Variants in GRM1 observed in about 807,000 individuals in gnomAD.
GRM1 encodes glutamate metabotropic receptor 1.
In GRM1, 33 loss-of-function variants were observed where a neutral mutation model predicts 90.9. The observed-to-expected ratio is 0.36, with a 90% CI of 0.28 to 0.49. GRM1 has a LOEUF of 0.49. GRM1 is among the 20% of genes least tolerant of loss of function. The probability of loss-of-function intolerance (pLI) is 0.99; values close to 1 mark genes in which losing one functional copy is unlikely to be tolerated. For synonymous variants in GRM1, 700 were observed against 613.2 expected (o/e 1.14, Z -2.09); for missense variants, 1,190 against 1,534.3 (o/e 0.78, Z 3.75).
In GRM1 at chr6:146,352,393, C is replaced by T. The variant is rs1488009652; in HGVS notation, c.1330C>T (p.Pro444Ser). 3 of 1,614,072 alleles carry T rather than the reference C, an allele frequency of 1.9e-6. No individual in the cohort carries two copies. The highest frequency in any genetic ancestry group is 1.7e-6 in the Non-Finnish European group (2 of 1,179,908). Residue 444 changes from proline to serine, a missense_variant, in exon 4 of 8, where the codon CCC becomes TCC. Pro to Ser is a moderately conservative substitution (Grantham distance 74). Coordinates refer to ENST00000282753, the MANE Select transcript of GRM1 (RefSeq NM_001278064.2). Reference protein sequence around the residue: ...GHVGLCDAMKPIDGSKLLDFL... With the variant: ...GHVGLCDAMKSIDGSKLLDFL... The stretch of plus-strand genomic sequence containing the variant: ...CGTGGGCCTCTGCGATGCCATGAAG[C>T]CCATCGACGGCAGCAAGCTGCTGGA...
intron 6 of GRM1, 102 bp from the exon 7 acceptor site, chr6:146,398,667 A>G (rs1777052474): frequency 3.6e-6 from 3 of 840,362 alleles, no homozygotes; most frequent in East Asian, 2.4e-5. Flanking sequence ...GCTGTAAATC[A>G]TGAAGGATGC....
intron 2 of GRM1, among the ~76,000 whole-genome samples, chr6:146,178,205 A>G (rs1778405571): frequency 6.6e-6 from 1 of 152,128 alleles, no homozygotes; most frequent in Non-Finnish European, 1.5e-5. Context: ...CCTTGCTTTG[A>G]TGACCTCAAT....
chr6:146,396,582 G>A (rs1039594914), intron 6 of GRM1, among the ~76,000 whole-genome samples: 1 of 151,870 alleles, frequency 6.6e-6, no homozygotes, highest in African/African-American at 2.4e-5. Flanking sequence ...AACAGAAAAA[G>A]GTGATTCAAA....
intron 7 of GRM1, among the ~76,000 whole-genome samples, chr6:146,402,584 A>G (rs74654567): frequency 1.3e-5 from 2 of 152,110 alleles, no homozygotes; most frequent in African/African-American, 4.8e-5. Flanking sequence ...GCTATTCTAG[A>G]TGTGTAATTC....
At chr6:146,292,797 CA>C (rs1435452007) in intron 2 of GRM1, among the ~76,000 whole-genome samples, 1 of 151,502 alleles carries the variant, frequency 6.6e-6, no homozygotes, top group Non-Finnish European at 1.5e-5. Flanking sequence ...AACAGATAGT[CA>C]AAAAAATGCA....
At chr6:146,060,959 G>T (rs186324683) in intron 1 of GRM1, among the ~76,000 whole-genome samples, 1 of 152,170 alleles carries the variant, frequency 6.6e-6, no homozygotes, top group African/African-American at 2.4e-5. Flanking sequence ...ATGTGAGATG[G>T]TATCTCATTG....
At chr6:146,378,397 CACAGG>C (rs1419751614) in intron 5 of GRM1, among the ~76,000 whole-genome samples, 2 of 152,182 alleles carry the variant, frequency 1.3e-5, no homozygotes, top group Non-Finnish European at 2.9e-5. Context: ...CTGATAAAGC[CACAGG>C]GGTGGAGCTG....
intron 7 of GRM1, among the ~76,000 whole-genome samples, chr6:146,406,314 C>A (rs1214134922): frequency 2.0e-5 from 3 of 152,116 alleles, no homozygotes; most frequent in Non-Finnish European, 4.4e-5. Context: ...TTGGTATTAA[C>A]ATAGTATGAA....
chr6:146,431,340 G>T (rs886109309), intron 7 of GRM1, among the ~76,000 whole-genome samples: 1 of 152,128 alleles, frequency 6.6e-6, no homozygotes. Context: ...ATATCTGTCT[G>T]CAACATGATT....
At chr6:146,229,930 G>A (rs953719310) in intron 2 of GRM1, among the ~76,000 whole-genome samples, 3 of 152,124 alleles carry the variant, frequency 2.0e-5, no homozygotes, top group African/African-American at 7.2e-5. Context: ...AGGCTGACTT[G>A]CTCTAGAGCT....
At chr6:146,365,662 TG>T (rs1233909882) in intron 5 of GRM1, among the ~76,000 whole-genome samples, 10 of 152,294 alleles carry the variant, frequency 6.6e-5, no homozygotes, top group Non-Finnish European at 1.2e-4. Flanking sequence ...TACCTAGCCT[TG>T]CTCTAGCTGT....
At position 146,316,972 on chromosome 6, in the gene GRM1, A is replaced by T. The variant is rs147310884; in HGVS notation, c.1186+12126A>T. Among the ~76,000 whole-genome samples the T allele has an allele frequency of 2.6e-5, 4 of 152,316 alleles. No homozygotes were observed. The East Asian group carries it at 7.7e-4, about 29-fold the overall frequency. Reference sequence around the variant, plus strand: ...TAGTTTCCTTTTTAACTAGTTTATCAGGCACAACCTGCGTTAATAGCCATG... The same window carrying T: ...TAGTTTCCTTTTTAACTAGTTTATCTGGCACAACCTGCGTTAATAGCCATG... On this transcript the variant is annotated intron_variant, in intron 3 of 7. Coordinates refer to ENST00000282753, the MANE Select transcript of GRM1 (RefSeq NM_001278064.2).
intron 7 of GRM1, among the ~76,000 whole-genome samples, chr6:146,407,463 A>G (rs1341757869): frequency 1.3e-5 from 2 of 152,248 alleles, no homozygotes; most frequent in Non-Finnish European, 2.9e-5. Context: ...CAAAGAGAAC[A>G]TAATTCCTTT....
intron 2 of GRM1, among the ~76,000 whole-genome samples, chr6:146,290,395 G>A (rs1782937975): frequency 1.3e-5 from 2 of 152,174 alleles, no homozygotes; most frequent in Admixed American, 6.5e-5. Context: ...ACTATGAAAT[G>A]AAGCATAACT....
chr6:146,116,024 C>T lies in GRM1; in HGVS notation c.701-43324C>T, dbSNP rs1412079. ...GGAGTGCAATGGCGCAATCTTGGCTCAATGCAACCTCTGCCTCCTGGGCTC... is the reference window on the plus strand; with the variant it reads ...GGAGTGCAATGGCGCAATCTTGGCTTAATGCAACCTCTGCCTCCTGGGCTC... On this transcript the variant is annotated intron_variant, in intron 1 of 7. Transcript: ENST00000282753. Among the ~76,000 whole-genome samples, 668 of 152,262 alleles carry T rather than the reference C, an allele frequency of 4.4e-3. 5 individuals carry two copies. The highest frequency in any genetic ancestry group is 0.02 in the Middle Eastern group (6 of 294).
At chr6:146,344,647 A>G (rs1396046866) in intron 3 of GRM1, among the ~76,000 whole-genome samples, 2 of 152,122 alleles carry the variant, frequency 1.3e-5, no homozygotes, top group African/African-American at 4.8e-5. Context: ...CTATTGGGAG[A>G]CACCATATAA....
chr6:146,034,905 T>G (rs897074446), intron 1 of GRM1, among the ~76,000 whole-genome samples: 2 of 152,026 alleles, frequency 1.3e-5, no homozygotes, highest in African/African-American at 2.4e-5. Flanking sequence ...AGACTTAATT[T>G]CGGTTACTAA....
intron 1 of GRM1, among the ~76,000 whole-genome samples, chr6:146,064,173 T>A (rs1028504856): frequency 2.0e-5 from 3 of 152,186 alleles, no homozygotes; most frequent in Non-Finnish European, 4.4e-5. Flanking sequence ...TAGTTAAGAA[T>A]TAGCAAGTCT....
At chr6:146,178,958 GTGGTATAAGAA>G (rs1778439466) in intron 2 of GRM1, among the ~76,000 whole-genome samples, 9 of 152,176 alleles carry the variant, frequency 5.9e-5, no homozygotes, top group Admixed American at 5.9e-4. Context: ...ATCTGGGCTG[GTGGTATAAGAA>G]TGGGAATCGA....
Sources: allele counts gnomAD v4.1 joint callset (sites outside exome capture counted in the v4.1 genomes callset), GRCh38; gene constraint gnomAD v4.1.1; transcripts MANE v1.5; gene names NCBI Gene and HGNC (gene_info 2026-07-23, HGNC 2026-07-21).